EPPIN: variants seen among roughly 807,000 people sequenced by gnomAD.
EPPIN encodes the protein epididymal peptidase inhibitor.
Under a neutral mutation model 18.8 loss-of-function variants are expected in EPPIN, and 14 were observed. The ratio of observed to expected loss-of-function variants is 0.75; its 90% CI spans 0.49 to 1.17. The LOEUF (loss-of-function observed/expected upper bound fraction) is 1.17. Among genes scored for constraint, EPPIN ranks in the 50% most tolerant of loss-of-function variants. The pLI is 0.00. For synonymous variants in EPPIN, 57 were observed against 54.8 expected (o/e 1.04, Z -0.18); for missense variants, 143 against 154.2 (o/e 0.93, Z 0.39).
At chr20:45,545,951 C>G in intron 1 of EPPIN, 181 bp from the exon 2 acceptor site, 2 of 842,644 alleles carry the variant, frequency 2.4e-6, no homozygotes, top group Non-Finnish European at 3.6e-6. Context: ...CCACCACTCC[C>G]CAGTGACCTC....
At chr20:45,546,096 G>A (rs562953821) in intron 1 of EPPIN, 32 of 414,966 alleles carry the variant, frequency 7.7e-5, no homozygotes, top group African/African-American at 4.9e-4. Flanking sequence ...CAGCATCCCA[G>A]GCCTCTTCCC....
intron 1 of EPPIN, among the ~76,000 whole-genome samples, chr20:45,546,897 C>A (rs1979855739): frequency 6.6e-6 from 1 of 152,088 alleles, no homozygotes; most frequent in African/African-American, 2.4e-5. Flanking sequence ...TTTGAAAGAA[C>A]CAAGAGTGGA....
At chr20:45,543,230 T>G (rs1979679781) in intron 2 of EPPIN, 1 of 171,966 alleles carries the variant, frequency 5.8e-6, no homozygotes, top group Non-Finnish European at 1.2e-5. Flanking sequence ...CGGGGTGATG[T>G]GTCTACAAGC....
chr20:45,542,299 A>G lies in EPPIN; in HGVS notation c.392-145T>C. On this transcript the variant is annotated intron_variant, in intron 3 of 3. Transcript: ENST00000354280. ...GGGGAGCTCTCCATCTCCTTCAAGGAAAAACAAATAGGAGTGAATCGCTGC... is the reference window on the plus strand; with the variant it reads ...GGGGAGCTCTCCATCTCCTTCAAGGGAAAACAAATAGGAGTGAATCGCTGC... 3 of 1,037,752 alleles carry G rather than the reference A, an allele frequency of 2.9e-6. 1 individual carries two copies. Among genetic ancestry groups the G allele is most frequent in the South Asian group, 3.3e-5 (2 of 61,186 alleles). The allele number at this position is 1,037,752 out of a possible 1,614,324, so 64.3% of individuals were successfully genotyped here. A position where few individuals can be genotyped will look rare whatever the true frequency, so the allele number is the denominator to read the frequency against.
intron 2 of EPPIN, chr20:45,544,620 G>A (rs1979741171): frequency 1.3e-5 from 2 of 152,288 alleles, no homozygotes; most frequent in African/African-American, 2.4e-5. Flanking sequence ...TTTCAAGCAG[G>A]TCCTACTCTT....
At chr20:45,545,617 A>G in intron 2 of EPPIN, 22 bp downstream of exon 2, 1 of 1,613,688 alleles carries the variant, frequency 6.2e-7, no homozygotes, top group Non-Finnish European at 8.5e-7. Flanking sequence ...GGGGTTGGTT[A>G]TTCTGCAGCT....
In EPPIN at chr20:45,542,840, C is replaced by T. The variant is rs146039239; in HGVS notation, c.251G>A (p.Gly84Asp). The change falls in exon 3 of 4, where the codon GGC (glycine) becomes GAC (aspartate). Residue 84 changes from glycine to aspartate, a missense_variant. Coordinates refer to ENST00000354280, the MANE Select transcript of EPPIN (RefSeq NM_020398.4). ...QDVCEMPKET[G>D]PCLAYFLHWW... ...ATGAAGAAAATAAGCCAGGCAGGGGCCAGTTTCTTTTGGCATTTCGCATAC... is the reference window on the plus strand; with the variant it reads ...ATGAAGAAAATAAGCCAGGCAGGGGTCAGTTTCTTTTGGCATTTCGCATAC... 1.9e-5 allele frequency: 30 copies of T among 1,613,350 alleles called. No individual in the cohort carries two copies. The highest frequency in any genetic ancestry group is 1.3e-4 in the African/African-American group (10 of 74,868).
intron 1 of EPPIN, chr20:45,546,074 T>C (rs1442087949): frequency 1.9e-5 from 9 of 465,410 alleles, no homozygotes; most frequent in Non-Finnish European, 3.4e-5. Flanking sequence ...CTGGGGATTG[T>C]AGGATGTTTA....
rs565600382 is a variant in EPPIN, at chr20:45,545,517, C to A, written c.223+122G>T. 44 of 1,543,256 alleles carry A rather than the reference C, an allele frequency of 2.9e-5. No homozygotes were observed. The East Asian group carries it at 6.4e-4, about 22-fold the overall frequency. On this transcript the variant is annotated intron_variant, in intron 2 of 3. Coordinates refer to ENST00000354280, the MANE Select transcript of EPPIN (RefSeq NM_020398.4). ...GTAATGAATCTAAATCGCAGGTCTC[C>A]CAAGTCCAGCAGTTTTGCCAGAGAC...
Position 45,541,003 on chromosome 20 carries a change from A to G in EPPIN, c.*1141T>C, listed in dbSNP as rs1979562768. ...CTGCAGCACTATTTACAATAGCAAAAACATGGAATCAAACCAAATATCCAT... is the reference window on the plus strand; with the variant it reads ...CTGCAGCACTATTTACAATAGCAAAGACATGGAATCAAACCAAATATCCAT... On this transcript the variant is annotated 3_prime_UTR_variant, in exon 4 of 4. Transcript: ENST00000354280. The G allele has an allele frequency of 1.3e-5, 2 of 152,226 alleles. No homozygotes were observed. Among genetic ancestry groups the G allele is most frequent in the African/African-American group, 4.8e-5 (2 of 41,454 alleles). The allele number at this position is 152,226 out of a possible 1,614,324, so 9.4% of individuals were successfully genotyped here. A position where few individuals can be genotyped will look rare whatever the true frequency, so the allele number is the denominator to read the frequency against.
Position 45,542,729 on chromosome 20 carries a change from G to A in EPPIN, c.362C>T (p.Ala121Val). Residue 121 changes from alanine (A) to valine (V), a missense_variant, in exon 3 of 4, where the codon GCC becomes GTC. By Grantham distance (64) the Ala-to-Val change is moderately conservative (BLOSUM62 0). Transcript: ENST00000354280. ...ATTCTTGCAGGTGTTCAGGCAGTTG[G>A]CTTTGGATTGGAAGTTGTTATTGTT... The part of the protein sequence containing the change: ...QGNNNNFQSK[A>V]NCLNTCKNKR... 1 of 1,613,942 alleles carries A rather than the reference G, an allele frequency of 6.2e-7. No homozygotes were observed. Among genetic ancestry groups the A allele is most frequent in the Non-Finnish European group, 8.5e-7 (1 of 1,179,860 alleles).
rs377572752 is a variant in EPPIN at position 45,542,251 on chromosome 20, C to A, written c.392-97G>T. On this transcript the variant is annotated intron_variant, in intron 3 of 3. Transcript: ENST00000354280. ...TTATACATCTTTGCACAGAAAGACA[C>A]TAAAAAGTAGTGGGTTTGCTTTGGG... The A allele has an allele frequency of 9.8e-6, 15 of 1,527,856 alleles. No individual in the cohort carries two copies. In the African/African-American group the frequency reaches 1.7e-4, roughly 17 times the overall value. The allele number at this position is 1,527,856 out of a possible 1,614,324, so 94.6% of individuals were successfully genotyped here. A position where few individuals can be genotyped will look rare whatever the true frequency, so the allele number is the denominator to read the frequency against.
chr20:45,547,203 TC>T, intron 1 of EPPIN, 63 bp downstream of exon 1: 1 of 1,609,946 alleles, frequency 6.2e-7, no homozygotes. Context: ...GAAGAGTTCT[TC>T]CCTGTTCCTT....
chr20:45,541,924 G>A lies in EPPIN; in HGVS notation c.*220C>T. ...GAGTTCTAGAAGTTGGAGATAAAGG[G>A]GACATAAAGATGAAATCAAAACGGA... On this transcript the variant is annotated 3_prime_UTR_variant, in exon 4 of 4. Coordinates refer to ENST00000354280, the MANE Select transcript of EPPIN (RefSeq NM_020398.4). 1.9e-6 allele frequency: 1 copy of A among 536,748 alleles called. No individual in the cohort carries two copies. Among genetic ancestry groups the A allele is most frequent in the South Asian group, 2.8e-5 (1 of 35,200 alleles). 33.2% of individuals were successfully genotyped at this position (536,748 alleles called of 1,614,324 possible).
chr20:45,545,908 G>T, intron 1 of EPPIN, 138 bp from the exon 2 acceptor site: 1 of 1,353,486 alleles, frequency 7.4e-7, no homozygotes, highest in Non-Finnish European at 1.0e-6. Flanking sequence ...TTTCCTCAGG[G>T]CAGCCTCACT....
In EPPIN at chr20:45,547,311, A is replaced by G. The variant is rs762072398; in HGVS notation, c.47T>C (p.Leu16Ser). The change falls in exon 1 of 4, where the codon TTA becomes TCA. Residue 16 changes from leucine (L) to serine (S), a missense_variant. Leu to Ser is a moderately radical substitution (Grantham distance 145). Coordinates refer to ENST00000354280, the MANE Select transcript of EPPIN (RefSeq NM_020398.4). ...CAGACCAGGTCCCTGGACATTCGCT[A>G]AGAGGACGAATAGCACCAGGAGGCT... ...LLSLLVLFVL[L>S]ANVQGPGLTD... 33 of 1,613,934 alleles carry G rather than the reference A, an allele frequency of 2.0e-5. No individual in the cohort carries two copies. Among genetic ancestry groups the G allele is most frequent in the Non-Finnish European group, 2.8e-5 (33 of 1,179,892 alleles).
chr20:45,545,726 C>A lies in EPPIN; in HGVS notation c.136G>T (p.Asp46Tyr), dbSNP rs939278967. 1.2e-6 allele frequency: 2 copies of A among 1,614,058 alleles called. No homozygotes were observed. The highest frequency in any genetic ancestry group is 2.2e-5 in the South Asian group (2 of 91,064). The change falls in exon 2 of 4, where the codon GAT (aspartate) becomes TAT (tyrosine). Residue 46 changes from aspartate (D) to tyrosine (Y), a missense_variant. Coordinates refer to ENST00000354280, the MANE Select transcript of EPPIN (RefSeq NM_020398.4). ...CATTGTCTGTCCTTTGTACACACAT[C>A]CCTTTCTTGGAATTCACATTCTTCT... ...IREECEFQERDVCTKDRQCQD... is the reference protein window; with the variant it reads ...IREECEFQERYVCTKDRQCQD...
At chr20:45,547,083 G>T (rs1979864239) in intron 1 of EPPIN, among the ~76,000 whole-genome samples, 184 bp downstream of exon 1, 1 of 152,104 alleles carries the variant, frequency 6.6e-6, no homozygotes, top group African/African-American at 2.4e-5. Flanking sequence ...TGCCTAAGTT[G>T]GGGTTACTGC....
rs1355146496 is a variant in EPPIN at position 45,545,683 on chromosome 20, C to T, written c.179G>A (p.Cys60Tyr). The T allele has an allele frequency of 3.1e-6, 5 of 1,613,950 alleles. No individual in the cohort carries two copies. The highest frequency in any genetic ancestry group is 4.2e-6 in the Non-Finnish European group (5 of 1,179,972). Reference protein sequence around the residue: ...KDRQCQDNKKCCVFSCGKKCL... With the variant: ...KDRQCQDNKKYCVFSCGKKCL... ...TTTTTTTCCGCAGCTGAAGACACAA[C>T]ACTTCTTGTTGTCCTGGCATTGTCT... Residue 60 changes from cysteine to tyrosine, a missense_variant, in exon 2 of 4, where the codon TGT (cysteine) becomes TAT (tyrosine). Physicochemically the swap from Cys to Tyr is radical, Grantham distance 194 (BLOSUM62 -2). Coordinates refer to ENST00000354280, the MANE Select transcript of EPPIN (RefSeq NM_020398.4).
Sources: allele counts gnomAD v4.1 joint callset (sites outside exome capture counted in the v4.1 genomes callset), GRCh38; gene constraint gnomAD v4.1.1; transcripts MANE v1.5; gene names NCBI Gene and HGNC (gene_info 2026-07-23, HGNC 2026-07-21).